Variants in SORT1 observed in about 807,000 individuals in gnomAD.
SORT1 encodes the protein sortilin.
A neutral mutation model predicts 101.7 loss-of-function variants in SORT1; 39 were observed. That is an observed-to-expected ratio of 0.38 (90% CI 0.30 to 0.50). The LOEUF is 0.50. Ranked by LOEUF, SORT1 falls within the 20% of genes least tolerant of loss-of-function variation. The pLI, the probability that SORT1 is intolerant of heterozygous loss-of-function variation, is 0.90. For missense variants in SORT1, 878 were observed against 1,040.4 expected (o/e 0.84, Z 2.15); for synonymous variants, 396 against 393.7 (o/e 1.01, Z -0.07).
chr1:109,328,947 C>T (rs921738284), intron 11 of SORT1, among the ~76,000 whole-genome samples: 37 of 152,320 alleles, frequency 2.4e-4, no homozygotes, highest in Admixed American at 2.0e-3. Context: ...GATCTACTTA[C>T]CGGGCTCCAG....
intron 1 of SORT1, among the ~76,000 whole-genome samples, chr1:109,385,076 T>TCAA (rs376913149): frequency 9.9e-5 from 15 of 152,016 alleles, no homozygotes; most frequent in East Asian, 5.8e-4. Flanking sequence ...AGACTCTGTC[T>TCAA]CAACAACAAC....
chr1:109,383,274 G>C (rs576084365), intron 1 of SORT1, among the ~76,000 whole-genome samples: 13 of 152,204 alleles, frequency 8.5e-5, no homozygotes, highest in Non-Finnish European at 1.5e-4. Context: ...AAAGAAGGAA[G>C]TGAATTCAAT....
At chr1:109,355,087 G>A (rs1650218856) in intron 4 of SORT1, among the ~76,000 whole-genome samples, 1 of 152,028 alleles carries the variant, frequency 6.6e-6, no homozygotes, top group Admixed American at 6.6e-5. Context: ...CAGGAGTGGT[G>A]GCAAGAGCCT....
At chr1:109,380,483 T>C (rs1652152244) in intron 1 of SORT1, among the ~76,000 whole-genome samples, 3 of 152,050 alleles carry the variant, frequency 2.0e-5, no homozygotes, top group African/African-American at 7.2e-5. Context: ...TGACAAAGTA[T>C]TAATATAGAA....
intron 2 of SORT1, chr1:109,368,684 G>C (rs1177725635): frequency 6.6e-6 from 1 of 152,210 alleles, no homozygotes; most frequent in African/African-American, 2.4e-5. Flanking sequence ...TATATCAGGA[G>C]GGATAAGGAG....
chr1:109,343,084 T>C (rs1388560542), intron 8 of SORT1, among the ~76,000 whole-genome samples: 1 of 152,188 alleles, frequency 6.6e-6, no homozygotes, highest in Non-Finnish European at 1.5e-5. Flanking sequence ...CATAGGAAGC[T>C]ACCTCTGGAA....
At chr1:109,390,898 G>A (rs1442542467) in intron 1 of SORT1, among the ~76,000 whole-genome samples, 5 of 151,788 alleles carry the variant, frequency 3.3e-5, no homozygotes, top group Non-Finnish European at 7.4e-5. Flanking sequence ...ACATACATAC[G>A]TTTTCTTCTG....
At chr1:109,396,572 T>C (rs996934718) in intron 1 of SORT1, among the ~76,000 whole-genome samples, 2 of 152,132 alleles carry the variant, frequency 1.3e-5, no homozygotes, top group African/African-American at 2.4e-5. Flanking sequence ...AGGTAACAAG[T>C]ATGGTCCAGA....
At chr1:109,314,104 T>C in intron 19 of SORT1, 47 bp from the exon 20 acceptor site, 1 of 1,612,978 alleles carries the variant, frequency 6.2e-7, no homozygotes, top group Non-Finnish European at 8.5e-7. Context: ...AACACTCCTA[T>C]TTCAAAAGCA....
At chr1:109,390,565 A>G (rs1477889527) in intron 1 of SORT1, among the ~76,000 whole-genome samples, 1 of 152,104 alleles carries the variant, frequency 6.6e-6, no homozygotes, top group Non-Finnish European at 1.5e-5. Context: ...TTTTGTATAC[A>G]ACATATTTAT....
chr1:109,386,822 G>GTGT (rs1261418543), intron 1 of SORT1, among the ~76,000 whole-genome samples: 426 of 152,280 alleles, frequency 2.8e-3, no homozygotes, highest in Middle Eastern at 6.8e-3. Flanking sequence ...AATATTTCTT[G>GTGT]AAACTTCACA....
chr1:109,355,658 C>A (rs1270628814), intron 3 of SORT1, among the ~76,000 whole-genome samples, 189 bp from the exon 4 acceptor site: 6 of 111,708 alleles, frequency 5.4e-5, no homozygotes, highest in Admixed American at 1.6e-4. Flanking sequence ...CCCCCCCCCA[C>A]AAACCCACTC....
chr1:109,314,315 A>G lies in SORT1; in HGVS notation c.2427T>C (p.Ala809=), dbSNP rs1658907270. Residue 809 remains alanine (A), a synonymous_variant, in exon 19 of 20, where the codon GCT becomes GCC. Coordinates refer to ENST00000256637, the MANE Select transcript of SORT1 (RefSeq NM_002959.7). ...AEANGVDGVD[A]LDTASHTNKS... ...TATTAGTGTGGGAGGCTGTGTCCAA[A>G]GCATCCACACCATCCACACCATTGG... The G allele has an allele frequency of 1.2e-6, 2 of 1,613,792 alleles. No individual in the cohort carries two copies. The highest frequency in any genetic ancestry group is 1.7e-6 in the Non-Finnish European group (2 of 1,179,938).
chr1:109,328,159 C>CT (rs1291247519), intron 11 of SORT1, among the ~76,000 whole-genome samples: 1 of 152,202 alleles, frequency 6.6e-6, no homozygotes, highest in Non-Finnish European at 1.5e-5. Flanking sequence ...ACACAAGTTG[C>CT]TTCTACCTTT....
At chr1:109,396,770 A>C (rs761599034) in intron 1 of SORT1, among the ~76,000 whole-genome samples, 4 of 152,248 alleles carry the variant, frequency 2.6e-5, no homozygotes, top group African/African-American at 4.8e-5. Context: ...AAATGTGGCT[A>C]GCAAGGATTA....
At chr1:109,325,175 A>C (rs1392147769) in intron 13 of SORT1, 86 bp from the exon 14 acceptor site, 1 of 687,892 alleles carries the variant, frequency 1.5e-6, no homozygotes, top group Non-Finnish European at 2.4e-6. Flanking sequence ...TTGATCCCAA[A>C]CCAGACAAAA....
chr1:109,361,773 C>G (rs1020878700), intron 3 of SORT1, among the ~76,000 whole-genome samples: 2 of 152,034 alleles, frequency 1.3e-5, no homozygotes, highest in Non-Finnish European at 2.9e-5. Context: ...TTGTAATCCC[C>G]AAATCAGTAC....
At chr1:109,339,557 C>T (rs1348501214) in intron 10 of SORT1, among the ~76,000 whole-genome samples, 1 of 152,174 alleles carries the variant, frequency 6.6e-6, no homozygotes, top group African/African-American at 2.4e-5. Flanking sequence ...GTATTTCACT[C>T]CCATTAGGAG....
At chr1:109,343,222 C>T (rs1557797278) in intron 8 of SORT1, among the ~76,000 whole-genome samples, 1 of 152,168 alleles carries the variant, frequency 6.6e-6, no homozygotes. Context: ...TACAAAATGG[C>T]TTTGGAGAGT....
Sources: gnomAD v4.1 joint callset for allele counts (sites outside exome capture counted in the v4.1 genomes callset) on GRCh38, gnomAD v4.1.1 for gene constraint, MANE v1.5 for transcripts, NCBI Gene and HGNC (gene_info 2026-07-23, HGNC 2026-07-21) for gene names.